The following DLG2 variants were observed in gnomAD, a reference collection of about 807,000 sequenced individuals.
The protein encoded by DLG2 is disks large homolog 2.
In DLG2, 45 loss-of-function variants were observed where a neutral mutation model predicts 132.5. The observed-to-expected ratio is 0.34, with a 90% CI of 0.27 to 0.44. The LOEUF is 0.44. DLG2 is among the 20% of genes least tolerant of loss of function. The pLI, the probability that DLG2 is intolerant of heterozygous loss-of-function variation, is 1.00. For synonymous variants in DLG2, 424 were observed against 419.6 expected (o/e 1.01, Z -0.13); for missense variants, 1,045 against 1,196.9 (o/e 0.87, Z 1.87).
intron 6 of DLG2, among the ~76,000 whole-genome samples, chr11:84,690,129 G>A (rs1157821710): frequency 1.3e-5 from 2 of 151,642 alleles, no homozygotes; most frequent in Non-Finnish European, 2.9e-5. Context: ...GGGGGTAGGG[G>A]GAAAAAGAGA....
At chr11:85,216,167 G>C (rs1056036104) in intron 4 of DLG2, among the ~76,000 whole-genome samples, 1 of 152,010 alleles carries the variant, frequency 6.6e-6, no homozygotes, top group African/African-American at 2.4e-5. Context: ...TAATAGTAAT[G>C]GTAAGGAAAG....
intron 4 of DLG2, among the ~76,000 whole-genome samples, chr11:85,274,911 G>T (rs755245605): frequency 1.3e-5 from 2 of 152,078 alleles, no homozygotes; most frequent in Non-Finnish European, 2.9e-5. Context: ...CAGTTTATTA[G>T]CATTGGATCA....
At chr11:85,309,413 T>C (rs2080172509) in intron 3 of DLG2, among the ~76,000 whole-genome samples, 1 of 115,822 alleles carries the variant, frequency 8.6e-6, no homozygotes, top group Non-Finnish European at 1.8e-5. Flanking sequence ...ACAGACTCCA[T>C]ATAGGGGTTT....
chr11:84,375,926 T>G (rs2098727254), intron 7 of DLG2, among the ~76,000 whole-genome samples: 1 of 152,052 alleles, frequency 6.6e-6, no homozygotes, highest in Admixed American at 6.6e-5. Context: ...TTCAATGACT[T>G]GTTTGTGATT....
intron 19 of DLG2, among the ~76,000 whole-genome samples, chr11:83,571,834 G>A (rs190400887): frequency 1.1e-4 from 16 of 152,158 alleles, no homozygotes; most frequent in Admixed American, 7.2e-4. Flanking sequence ...ATTGTCTGAT[G>A]TGTTGATCTT....
chr11:84,839,487 A>G (rs1362175364), intron 6 of DLG2, among the ~76,000 whole-genome samples: 2 of 152,142 alleles, frequency 1.3e-5, no homozygotes, highest in Admixed American at 1.3e-4. Flanking sequence ...GAATCGGAAA[A>G]AACTACTTTA....
chr11:85,573,305 C>G (rs759198620), intron 3 of DLG2, among the ~76,000 whole-genome samples: 1 of 152,168 alleles, frequency 6.6e-6, no homozygotes, highest in South Asian at 2.1e-4. Context: ...CAAGCTACAA[C>G]GTTTATGGCA....
intron 4 of DLG2, among the ~76,000 whole-genome samples, chr11:85,264,238 T>C (rs2077089569): frequency 6.6e-6 from 1 of 152,184 alleles, no homozygotes; most frequent in Non-Finnish European, 1.5e-5. Context: ...GAAAAGCCTA[T>C]ATCCTCCACC....
At chr11:83,860,370 C>T (rs1332890116) in intron 16 of DLG2, among the ~76,000 whole-genome samples, 1 of 152,198 alleles carries the variant, frequency 6.6e-6, no homozygotes, top group Non-Finnish European at 1.5e-5. Flanking sequence ...GGGAACCCAC[C>T]TCTTACATCA....
chr11:84,066,833 G>A (rs1302165488), intron 10 of DLG2, among the ~76,000 whole-genome samples: 1 of 152,100 alleles, frequency 6.6e-6, no homozygotes, highest in East Asian at 1.9e-4. Context: ...GCAGCTGTTG[G>A]TTATTGAAGA....
chr11:83,606,620 C>T (rs988450831), intron 19 of DLG2, among the ~76,000 whole-genome samples: 1 of 143,120 alleles, frequency 7.0e-6, no homozygotes, highest in African/African-American at 2.7e-5. Context: ...TGAAAACATA[C>T]GTTAGTGTTT....
At chr11:85,089,607 T>C (rs1485473059) in intron 6 of DLG2, among the ~76,000 whole-genome samples, 2 of 152,176 alleles carry the variant, frequency 1.3e-5, no homozygotes, top group African/African-American at 4.8e-5. Flanking sequence ...GCATGTGTCT[T>C]TTTGGTAGAG....
chr11:83,584,142 T>C (rs1164267228), intron 19 of DLG2, among the ~76,000 whole-genome samples: 2 of 152,172 alleles, frequency 1.3e-5, no homozygotes, highest in African/African-American at 4.8e-5. Flanking sequence ...CTGTTTCCTA[T>C]TATAGACTTT....
At position 85,006,713 on chromosome 11, in the gene DLG2, C is replaced by G. The variant is rs137962297; in HGVS notation, c.357+104948G>C. On this transcript the variant is annotated intron_variant, in intron 6 of 27. Transcript: ENST00000376104. ...TCACTGATTTTTTTGAAGGGTTTTTCTTGTCTCTATCTCCTTCAGTTCTGC... is the reference window on the plus strand; with the variant it reads ...TCACTGATTTTTTTGAAGGGTTTTTGTTGTCTCTATCTCCTTCAGTTCTGC... Among the ~76,000 whole-genome samples, 150 of 151,132 alleles carry G rather than the reference C, an allele frequency of 9.9e-4. 2 individuals carry two copies. The highest frequency in any genetic ancestry group is 3.3e-3 in the African/African-American group (137 of 41,232).
chr11:84,354,129 C>A (rs2098597463), intron 7 of DLG2, among the ~76,000 whole-genome samples: 1 of 152,122 alleles, frequency 6.6e-6, no homozygotes, highest in Non-Finnish European at 1.5e-5. Flanking sequence ...TATTCCAATT[C>A]CACAATACAG....
intron 6 of DLG2, among the ~76,000 whole-genome samples, chr11:84,792,653 G>C (rs902796990): frequency 6.6e-6 from 1 of 152,114 alleles, no homozygotes; most frequent in East Asian, 1.9e-4. Flanking sequence ...ATATTGGTAG[G>C]TTCTATGTGT....
At chr11:84,626,313 C>T (rs958516010) in intron 6 of DLG2, among the ~76,000 whole-genome samples, 8 of 152,182 alleles carry the variant, frequency 5.3e-5, no homozygotes, top group African/African-American at 1.9e-4. Context: ...AGCATGATTC[C>T]TCTTTACTTC....
chr11:83,774,810 T>C (rs542190404), intron 18 of DLG2, among the ~76,000 whole-genome samples: 1 of 152,216 alleles, frequency 6.6e-6, no homozygotes, highest in Non-Finnish European at 1.5e-5. Flanking sequence ...TTTTCACTAA[T>C]CTTCCAGCAA....
intron 3 of DLG2, among the ~76,000 whole-genome samples, chr11:85,585,217 T>C (rs529703177): frequency 9.8e-5 from 15 of 152,334 alleles, no homozygotes; most frequent in African/African-American, 2.9e-4. Context: ...TTCTTCTACA[T>C]GTGGCTTGCC....
Sources: gnomAD v4.1 joint callset for allele counts (sites outside exome capture counted in the v4.1 genomes callset) on GRCh38, gnomAD v4.1.1 for gene constraint, MANE v1.5 for transcripts, NCBI Gene and HGNC (gene_info 2026-07-23, HGNC 2026-07-21) for gene names.